The following REPS1 variants were observed in gnomAD, a reference collection of about 807,000 sequenced individuals.
The protein encoded by REPS1 is ralBP1-associated Eps domain-containing protein 1.
REPS1 carries 39 observed loss-of-function variants against 100.9 expected under a neutral mutation model. That is an observed-to-expected ratio of 0.39 (90% confidence interval 0.30 to 0.50). The LOEUF is 0.50. Among genes scored for constraint, REPS1 ranks in the 20% least tolerant of loss-of-function variants. REPS1 has a pLI of 0.86. For synonymous variants in REPS1, 324 were observed against 340.3 expected, an observed-to-expected ratio of 0.95 and a Z score of 0.53; for missense variants, 821 against 968.5, an observed-to-expected ratio of 0.85 and a Z score of 2.02.
At chr6:138,944,662 G>A (rs761985765) in intron 4 of REPS1, 40 bp from the exon 5 acceptor site, 4 of 1,568,572 alleles carry the variant, frequency 2.6e-6, no homozygotes, top group Middle Eastern at 1.7e-4. Context: ...TCATGTTTGA[G>A]GAAAAAAGTT....
intron 1 of REPS1, among the ~76,000 whole-genome samples, chr6:138,967,185 T>C (rs1222826787): frequency 1.3e-5 from 2 of 152,266 alleles, no homozygotes; most frequent in African/African-American, 4.8e-5. Flanking sequence ...TAGCCAGATA[T>C]GAGCTCCTCG....
At chr6:138,905,709 A>T (rs1414640469) in intron 19 of REPS1, among the ~76,000 whole-genome samples, 4 of 152,242 alleles carry the variant, frequency 2.6e-5, no homozygotes, top group Non-Finnish European at 4.4e-5. Flanking sequence ...CACTGTTTGC[A>T]ACAATGGGTA....
chr6:138,907,039 C>T (rs866912416), intron 19 of REPS1, among the ~76,000 whole-genome samples: 9 of 152,236 alleles, frequency 5.9e-5, no homozygotes, highest in Non-Finnish European at 1.2e-4. Flanking sequence ...ACAGTATACA[C>T]ACTGCATAAG....
chr6:138,938,268 A>C (rs1174041471), intron 8 of REPS1, among the ~76,000 whole-genome samples: 1 of 152,154 alleles, frequency 6.6e-6, no homozygotes, highest in African/African-American at 2.4e-5. Flanking sequence ...TTTTGGAAAA[A>C]ATGCACATTT....
intron 13 of REPS1, among the ~76,000 whole-genome samples, chr6:138,916,452 T>C (rs1207174128): frequency 6.6e-6 from 1 of 151,844 alleles, no homozygotes; most frequent in East Asian, 1.9e-4. Context: ...AACTCCTGAC[T>C]TCAGGTGATC....
At chr6:138,935,283 A>G (rs1306364570) in intron 8 of REPS1, among the ~76,000 whole-genome samples, 1 of 152,220 alleles carries the variant, frequency 6.6e-6, no homozygotes, top group Non-Finnish European at 1.5e-5. Context: ...TATTCACCCA[A>G]AATTCTTATT....
intron 1 of REPS1, among the ~76,000 whole-genome samples, chr6:138,961,169 C>T (rs1303548412): frequency 3.3e-5 from 5 of 152,172 alleles, no homozygotes; most frequent in Non-Finnish European, 4.4e-5. Context: ...GTTTTATTCA[C>T]ATTTAGCATT....
At chr6:138,942,032 C>A (rs1782292927) in intron 7 of REPS1, among the ~76,000 whole-genome samples, 1 of 152,166 alleles carries the variant, frequency 6.6e-6, no homozygotes, top group Non-Finnish European at 1.5e-5. Flanking sequence ...GTACGCGTCA[C>A]CATGCCTGGC....
At chr6:138,918,865 A>T (rs1294296266) in intron 12 of REPS1, among the ~76,000 whole-genome samples, 2 of 152,224 alleles carry the variant, frequency 1.3e-5, no homozygotes, top group Admixed American at 1.3e-4. Flanking sequence ...AAGAAATTTT[A>T]AGATAGAAAC....
At chr6:138,944,736 T>C in intron 4 of REPS1, 114 bp from the exon 5 acceptor site, 1 of 1,009,930 alleles carries the variant, frequency 9.9e-7, no homozygotes. Context: ...AATGGAATCT[T>C]TTCTGTTCTA....
chr6:138,910,108 T>C (rs1373414688), intron 17 of REPS1, among the ~76,000 whole-genome samples: 5 of 152,172 alleles, frequency 3.3e-5, no homozygotes, highest in African/African-American at 9.6e-5. Context: ...GTTTGGGTCA[T>C]GGAGATAGAT....
chr6:138,967,376 A>T (rs1784082116), intron 1 of REPS1, among the ~76,000 whole-genome samples: 1 of 152,230 alleles, frequency 6.6e-6, no homozygotes, highest in Admixed American at 6.5e-5. Flanking sequence ...TCCTTTGAAA[A>T]ATAACACAGG....
intron 1 of REPS1, among the ~76,000 whole-genome samples, chr6:138,974,359 T>C (rs1784488484): frequency 6.6e-6 from 1 of 152,156 alleles, no homozygotes. Context: ...TGAGATCCTG[T>C]GTTACATGAG....
intron 8 of REPS1, chr6:138,934,369 A>T (rs1390033010): frequency 2.1e-6 from 1 of 469,792 alleles, no homozygotes; most frequent in Non-Finnish European, 4.4e-6. Context: ...GTTAAAGTTA[A>T]CCCCAAAAGG....
rs184551227 is a variant in REPS1 at position 138,959,676 on chromosome 6, T to C, written c.154-11763A>G. ...TACAACACTGGCTAGCCAGTCACTA[T>C]AACTTCTATTGTTCTACTAACTTGT... On this transcript the variant is annotated intron_variant, in intron 1 of 19. Transcript: ENST00000450536. 4.1e-3 allele frequency among the ~76,000 whole-genome samples: 620 copies of C among 152,322 alleles called. 3 individuals carry two copies. The highest frequency in any genetic ancestry group is 0.014 in the African/African-American group (583 of 41,574).
intron 1 of REPS1, among the ~76,000 whole-genome samples, chr6:138,953,680 TCA>T (rs779350044): frequency 2.0e-4 from 17 of 86,102 alleles, no homozygotes; most frequent in East Asian, 7.0e-4. Context: ...CTGGCTATTA[TCA>T]AAAAAAAAAA....
At position 138,924,835 on chromosome 6, in the gene REPS1, T is replaced by C. The variant is rs543663711; in HGVS notation, c.1338+1566A>G. Among the ~76,000 whole-genome samples, 17 of 152,284 alleles carry C rather than the reference T, an allele frequency of 1.1e-4. No individual in the cohort carries two copies. In the South Asian group the frequency reaches 3.5e-3, roughly 32 times the overall value. The stretch of plus-strand genomic sequence containing the variant: ...AGCAGCAAAGTTTTCAATCATTGCC[T>C]TGTATTTCTCCTACATTTTTCAGAG... On this transcript the variant is annotated intron_variant, in intron 10 of 19. Coordinates refer to ENST00000450536, the MANE Select transcript of REPS1 (RefSeq NM_001286611.2).
chr6:138,943,328 G>A (rs1049277540), intron 7 of REPS1, among the ~76,000 whole-genome samples, 185 bp downstream of exon 7: 7 of 152,210 alleles, frequency 4.6e-5, no homozygotes, highest in Admixed American at 3.3e-4. Flanking sequence ...AAGAACTACT[G>A]TATCAGTATC....
chr6:138,967,670 C>T (rs1358298633), intron 1 of REPS1, among the ~76,000 whole-genome samples: 1 of 152,124 alleles, frequency 6.6e-6, no homozygotes, highest in Non-Finnish European at 1.5e-5. Context: ...TCAGTAGGTA[C>T]TTAATGAACA....
Sources: gnomAD v4.1 joint callset for allele counts (sites outside exome capture counted in the v4.1 genomes callset) on GRCh38, gnomAD v4.1.1 for gene constraint, MANE v1.5 for transcripts, NCBI Gene and HGNC (gene_info 2026-07-23, HGNC 2026-07-21) for gene names.